RBFOX1: variants seen among roughly 807,000 people sequenced by gnomAD.
The protein encoded by RBFOX1 is RNA binding protein fox-1 homolog 1.
RBFOX1 carries 8 observed loss-of-function variants against 57.7 expected under a neutral mutation model. The ratio of observed to expected loss-of-function variants is 0.14; its 90% confidence interval spans 0.08 to 0.25. The LOEUF is 0.25. RBFOX1 is among the 10% of genes least tolerant of loss of function. RBFOX1 has a pLI of 1.00. For missense variants in RBFOX1, 611 were observed against 548.5 expected, an observed-to-expected ratio of 1.11 and a Z score of -1.14; for synonymous variants, 326 against 222.4, an observed-to-expected ratio of 1.47 and a Z score of -4.15.
At chr16:6,595,872 T>C (rs2097772111) in intron 2 of RBFOX1, among the ~76,000 whole-genome samples, 1 of 152,208 alleles carries the variant, frequency 6.6e-6, no homozygotes, top group Admixed American at 6.5e-5. Flanking sequence ...ACAAACCCTA[T>C]TAAAAAAATA....
chr16:7,330,993 T>A (rs886758168), intron 4 of RBFOX1, among the ~76,000 whole-genome samples: 1 of 152,138 alleles, frequency 6.6e-6, no homozygotes, highest in African/African-American at 2.4e-5. Flanking sequence ...GCGCAGCTGT[T>A]ATGGGAGCTT....
At chr16:7,514,835 A>G (rs1239857340) in intron 4 of RBFOX1, among the ~76,000 whole-genome samples, 2 of 152,200 alleles carry the variant, frequency 1.3e-5, no homozygotes, top group East Asian at 3.9e-4. Flanking sequence ...AAGAACTAGT[A>G]GGAATGGGCC....
chr16:6,319,238 G>A (rs2081473102), intron 2 of RBFOX1, among the ~76,000 whole-genome samples: 1 of 152,052 alleles, frequency 6.6e-6, no homozygotes, highest in African/African-American at 2.4e-5. Context: ...CTGAATCCAG[G>A]TTTTGATATG....
intron 14 of RBFOX1, among the ~76,000 whole-genome samples, chr16:7,703,384 C>T (rs887977004): frequency 5.9e-5 from 9 of 152,176 alleles, no homozygotes; most frequent in Non-Finnish European, 1.2e-4. Flanking sequence ...TTGCTACCTT[C>T]TGAACTTCAT....
rs189873489 is a variant in RBFOX1 at position 5,522,402 on chromosome 16, C to T, written c.258+55148C>T. ...GGTGGAGCATCTGTTTAGGAAGCCA[C>T]ATTTTTTAACTGATACATAGTATTT... On this transcript the variant is annotated intron_variant, in intron 2 of 2. Transcript: ENST00000585867. Among the ~76,000 whole-genome samples, 291 of 152,280 alleles carry T rather than the reference C, an allele frequency of 1.9e-3. 1 individual carries two copies. The highest frequency in any genetic ancestry group is 4.1e-3 in the Admixed American group (62 of 15,284).
chr16:7,671,283 A>G (rs926234737), intron 13 of RBFOX1, among the ~76,000 whole-genome samples: 1 of 152,240 alleles, frequency 6.6e-6, no homozygotes. Context: ...CCATGAAATT[A>G]TCTTTTTCTT....
At position 6,187,381 on chromosome 16, in the gene RBFOX1, C is replaced by T. The variant is rs559099472; in HGVS notation, c.-126-129614C>T. ...GCATGCACAACACCCCTAGATGTGA[C>T]GAGGCTGAGAAACTAGAGGAAGGGT... On this transcript the variant is annotated intron_variant, in intron 1 of 15. Coordinates refer to ENST00000550418, the MANE Select transcript of RBFOX1 (RefSeq NM_018723.4). 1.2e-4 allele frequency among the ~76,000 whole-genome samples: 18 copies of T among 152,072 alleles called. No individual in the cohort carries two copies. The South Asian group carries it at 1.5e-3, about 12-fold the overall frequency.
intron 4 of RBFOX1, among the ~76,000 whole-genome samples, chr16:7,229,098 C>G (rs952831180): frequency 1.1e-4 from 17 of 152,148 alleles, no homozygotes; most frequent in Admixed American, 6.5e-4. Flanking sequence ...GAAGGGAGCA[C>G]TCTGAAAGGT....
At chr16:5,842,903 C>G (rs372423238) in intron 3 of RBFOX1, among the ~76,000 whole-genome samples, 10 of 152,218 alleles carry the variant, frequency 6.6e-5, no homozygotes, top group Non-Finnish European at 7.3e-5. Context: ...ACTGCAACCT[C>G]CGCCTCTTGG....
intron 3 of RBFOX1, among the ~76,000 whole-genome samples, chr16:6,863,715 G>C (rs1189421755): frequency 1.2e-5 from 1 of 84,888 alleles, no homozygotes; most frequent in African/African-American, 4.9e-5. Flanking sequence ...GCACAAATTG[G>C]ATGCCTGCGC....
At chr16:6,740,075 T>G (rs2071593245) in intron 3 of RBFOX1, among the ~76,000 whole-genome samples, 2 of 152,134 alleles carry the variant, frequency 1.3e-5, no homozygotes, top group Admixed American at 1.3e-4. Context: ...CACCCCAACC[T>G]AATGAGGAAT....
At chr16:5,877,641 T>C (rs62017075) in intron 4 of RBFOX1, among the ~76,000 whole-genome samples, 21,154 of 152,256 alleles carry the variant, frequency 0.14, 1,948 homozygotes, top group Non-Finnish European at 0.2. Flanking sequence ...TCAGTTACAG[T>C]AGCAGCAGAG....
intron 2 of RBFOX1, among the ~76,000 whole-genome samples, chr16:6,434,747 C>G (rs545560717): frequency 2.0e-5 from 3 of 152,248 alleles, no homozygotes; most frequent in African/African-American, 4.8e-5. Context: ...TGCTAACAGC[C>G]TATAATCTGT....
chr16:6,599,502 C>T (rs1287545446), intron 2 of RBFOX1, among the ~76,000 whole-genome samples: 2 of 152,182 alleles, frequency 1.3e-5, no homozygotes, highest in African/African-American at 4.8e-5. Context: ...AGGGCTTAAA[C>T]ACTAATAAGT....
At chr16:7,302,562 C>T (rs116507853) in intron 4 of RBFOX1, among the ~76,000 whole-genome samples, 1,656 of 150,738 alleles carry the variant, frequency 0.011, 27 homozygotes, top group African/African-American at 0.039. Context: ...AAGCTGTCAG[C>T]AAGGTTTCTT....
chr16:6,855,031 G>T (rs757417102), intron 3 of RBFOX1, among the ~76,000 whole-genome samples: 2 of 152,018 alleles, frequency 1.3e-5, no homozygotes, highest in African/African-American at 2.4e-5. Context: ...ATGTTTCACT[G>T]TTGGGAGGTG....
At chr16:6,284,116 T>C (rs1468622616) in intron 1 of RBFOX1, among the ~76,000 whole-genome samples, 1 of 152,224 alleles carries the variant, frequency 6.6e-6, no homozygotes, top group African/African-American at 2.4e-5. Flanking sequence ...ATCTAGGCCA[T>C]TGGTACTGAA....
intron 1 of RBFOX1, among the ~76,000 whole-genome samples, chr16:5,444,931 G>A (rs2068196992): frequency 6.6e-6 from 1 of 152,174 alleles, no homozygotes; most frequent in African/African-American, 2.4e-5. Flanking sequence ...GCTTTCCCAA[G>A]GTCACAGGCC....
intron 3 of RBFOX1, among the ~76,000 whole-genome samples, chr16:5,703,309 T>C (rs1383947604): frequency 6.6e-6 from 1 of 152,168 alleles, no homozygotes; most frequent in Non-Finnish European, 1.5e-5. Flanking sequence ...CAAGGCTTTT[T>C]GAAAGATGTA....
Sources: gnomAD v4.1 joint callset for allele counts (sites outside exome capture counted in the v4.1 genomes callset) on GRCh38, gnomAD v4.1.1 for gene constraint, MANE v1.5 for transcripts, NCBI Gene and HGNC (gene_info 2026-07-23, HGNC 2026-07-21) for gene names.